Variants in SYT16 observed in about 807,000 individuals in gnomAD.
The protein encoded by SYT16 is synaptotagmin-16.
Under a neutral mutation model 61.4 loss-of-function variants are expected in SYT16, and 42 were observed. The ratio of observed to expected loss-of-function variants is 0.68; its 90% CI spans 0.53 to 0.89. SYT16 has a LOEUF of 0.89. Ranked by LOEUF, SYT16 falls within the 40% of genes least tolerant of loss-of-function variation. SYT16 has a pLI of 0.00. For missense variants in SYT16, 804 were observed against 807.3 expected, an observed-to-expected ratio of 1.00 and a Z score of 0.05; for synonymous variants, 314 against 302.3, an observed-to-expected ratio of 1.04 and a Z score of -0.40.
intron 6 of SYT16, among the ~76,000 whole-genome samples, chr14:62,081,751 G>A (rs2056715773): frequency 6.6e-6 from 1 of 152,118 alleles, no homozygotes; most frequent in African/African-American, 2.4e-5. Flanking sequence ...CCATTTCCCT[G>A]CTTGCCACAG....
chr14:61,843,131 C>T (rs912055309), intron 1 of SYT16, among the ~76,000 whole-genome samples: 3 of 151,760 alleles, frequency 2.0e-5, no homozygotes, highest in African/African-American at 7.3e-5. Context: ...ATGGTAGCTC[C>T]ATTTTTAGTT....
rs572739208 is a variant in SYT16 at position 62,096,873 on chromosome 14, G to T, written c.1625-3521G>T. 5.9e-5 allele frequency among the ~76,000 whole-genome samples: 9 copies of T among 152,166 alleles called. 1 individual carries two copies. In the South Asian group the frequency reaches 1.7e-3, roughly 28 times the overall value. ...ACATGTGACAAATTCTAAATATCCT[G>T]TCAGTTTGTGTGATTTTTTTATTTT... is the stretch of plus-strand genomic sequence containing the variant. On this transcript the variant is annotated intron_variant, in intron 7 of 7. Transcript: ENST00000683842.
chr14:61,996,631 A>G (rs2052783753), intron 3 of SYT16, 89 bp downstream of exon 3: 1 of 1,470,104 alleles, frequency 6.8e-7, no homozygotes, highest in Admixed American at 2.3e-5. Flanking sequence ...TATCATGTGG[A>G]TTTTATTTTT....
chr14:61,868,682 C>A (rs1281427979), intron 1 of SYT16, among the ~76,000 whole-genome samples: 1 of 151,894 alleles, frequency 6.6e-6, no homozygotes, highest in Non-Finnish European at 1.5e-5. Flanking sequence ...GAGATGATTC[C>A]TTTTAAATGT....
chr14:61,889,589 C>G (rs217684), intron 1 of SYT16, among the ~76,000 whole-genome samples: 134,499 of 150,694 alleles, frequency 0.89, 60,021 homozygotes, highest in East Asian at 0.98. Flanking sequence ...GCTCTTGCTC[C>G]CTCTCTCTCT....
intron 5 of SYT16, among the ~76,000 whole-genome samples, chr14:62,078,367 C>A (rs1297789510): frequency 6.6e-6 from 1 of 152,078 alleles, no homozygotes; most frequent in African/African-American, 2.4e-5. Context: ...GGAATTTGAT[C>A]TGGGCTTGGG....
chr14:61,953,787 G>A (rs1303343854), intron 1 of SYT16, among the ~76,000 whole-genome samples: 1 of 152,198 alleles, frequency 6.6e-6, no homozygotes, highest in Non-Finnish European at 1.5e-5. Context: ...GCTGTACCCA[G>A]GTCACCTCTA....
At chr14:62,097,863 A>C (rs2057317803) in intron 7 of SYT16, among the ~76,000 whole-genome samples, 1 of 152,206 alleles carries the variant, frequency 6.6e-6, no homozygotes, top group Middle Eastern at 3.2e-3. Context: ...TGGCAGCACA[A>C]TTGCCCAATC....
At chr14:62,042,572 C>G (rs1182232050) in intron 3 of SYT16, among the ~76,000 whole-genome samples, 1 of 152,160 alleles carries the variant, frequency 6.6e-6, no homozygotes, top group Non-Finnish European at 1.5e-5. Flanking sequence ...GGAACAGGCA[C>G]TATTTGTGGC....
chr14:61,879,639 G>T (rs2047625440), intron 1 of SYT16, among the ~76,000 whole-genome samples: 1 of 152,114 alleles, frequency 6.6e-6, no homozygotes, highest in African/African-American at 2.4e-5. Flanking sequence ...GGAGCTTCTA[G>T]TGTTATCACC....
At chr14:62,092,825 T>C (rs2057136705) in intron 7 of SYT16, among the ~76,000 whole-genome samples, 2 of 151,962 alleles carry the variant, frequency 1.3e-5, no homozygotes, top group Non-Finnish European at 2.9e-5. Flanking sequence ...TTGTACAACA[T>C]TATGAATCTA....
At chr14:61,900,259 A>G (rs2048466939) in intron 1 of SYT16, among the ~76,000 whole-genome samples, 2 of 151,404 alleles carry the variant, frequency 1.3e-5, no homozygotes, top group Admixed American at 6.6e-5. Context: ...CCCAGGTTCA[A>G]GTGATTCTCC....
intron 1 of SYT16, among the ~76,000 whole-genome samples, chr14:61,922,906 G>C (rs1027427570): frequency 1.1e-4 from 16 of 152,078 alleles, no homozygotes; most frequent in African/African-American, 3.9e-4. Flanking sequence ...AAAATTATCT[G>C]GGTGTAGTGG....
intron 7 of SYT16, among the ~76,000 whole-genome samples, chr14:62,100,155 C>T (rs1307912263): frequency 1.3e-5 from 2 of 152,196 alleles, no homozygotes; most frequent in Non-Finnish European, 2.9e-5. Context: ...TAATGAACAT[C>T]AGCAATGTGT....
chr14:62,034,632 G>A (rs887342282), intron 3 of SYT16, among the ~76,000 whole-genome samples: 2 of 151,772 alleles, frequency 1.3e-5, no homozygotes, highest in Non-Finnish European at 2.9e-5. Context: ...TTTTTTATAT[G>A]CAATGTCCAC....
intron 1 of SYT16, among the ~76,000 whole-genome samples, chr14:61,881,368 C>T (rs930287795): frequency 6.6e-6 from 1 of 152,218 alleles, no homozygotes; most frequent in Admixed American, 6.5e-5. Flanking sequence ...CCTCACTGTA[C>T]AGTTTTCTTT....
Position 61,998,775 on chromosome 14 carries a change from A to G in SYT16, c.523+2233A>G, listed in dbSNP as rs138905932. 2.2e-3 allele frequency among the ~76,000 whole-genome samples: 338 copies of G among 152,004 alleles called. 3 individuals carry two copies. The highest frequency in any genetic ancestry group is 7.8e-3 in the African/African-American group (325 of 41,530). On this transcript the variant is annotated intron_variant, in intron 3 of 7. Transcript: ENST00000683842. Reference sequence around the variant, plus strand: ...TTAAATCTTTCAGTCTTTCTCTATTATCCTCAGTAGTTAGGTGCAGGCTTC... The same window carrying G: ...TTAAATCTTTCAGTCTTTCTCTATTGTCCTCAGTAGTTAGGTGCAGGCTTC...
At chr14:61,824,825 TAAG>T in intron 1 of SYT16, among the ~76,000 whole-genome samples, 1 of 152,270 alleles carries the variant, frequency 6.6e-6, no homozygotes, top group East Asian at 1.9e-4. Flanking sequence ...TTCATAATAA[TAAG>T]AATGTCTTTT....
chr14:61,893,183 A>G (rs553885186), intron 1 of SYT16, among the ~76,000 whole-genome samples: 1 of 152,370 alleles, frequency 6.6e-6, no homozygotes, highest in East Asian at 1.9e-4. Context: ...GCCCAGAAAG[A>G]AAGTGAATGT....
Sources: gnomAD v4.1 joint callset for allele counts (sites outside exome capture counted in the v4.1 genomes callset) on GRCh38, gnomAD v4.1.1 for gene constraint, MANE v1.5 for transcripts, NCBI Gene and HGNC (gene_info 2026-07-23, HGNC 2026-07-21) for gene names.